Variants in SMOC2 observed in about 807,000 individuals in gnomAD.
The protein encoded by SMOC2 is SPARC related modular calcium binding 2.
In SMOC2, 39 loss-of-function variants were observed where a neutral mutation model predicts 61.4. The observed-to-expected ratio is 0.64, with a 90% confidence interval of 0.49 to 0.83. The LOEUF is 0.83. SMOC2 is among the 40% of genes least tolerant of loss of function. The probability of loss-of-function intolerance (pLI) is 0.00; values close to 1 mark genes in which losing one functional copy is unlikely to be tolerated. For missense variants in SMOC2, 556 were observed against 592.9 expected, an observed-to-expected ratio of 0.94 and a Z score of 0.65; for synonymous variants, 247 against 239.9, an observed-to-expected ratio of 1.03 and a Z score of -0.27.
chr6:168,458,387 T>A (rs924763631), intron 1 of SMOC2, among the ~76,000 whole-genome samples: 1 of 152,130 alleles, frequency 6.6e-6, no homozygotes, highest in East Asian at 1.9e-4. Flanking sequence ...GGGGGCATCA[T>A]GCTGCCTGCC....
At chr6:168,567,532 A>G (rs1336680219) in intron 7 of SMOC2, among the ~76,000 whole-genome samples, 3 of 152,124 alleles carry the variant, frequency 2.0e-5, no homozygotes, top group African/African-American at 7.2e-5. Flanking sequence ...TATAATTTGT[A>G]AAGCCACGTT....
At chr6:168,659,411 T>C (rs1441482385) in intron 11 of SMOC2, among the ~76,000 whole-genome samples, 2 of 126,484 alleles carry the variant, frequency 1.6e-5, no homozygotes, top group Non-Finnish European at 1.7e-5. Context: ...ATAAATGAGG[T>C]GGCCAGGTTA....
At chr6:168,664,325 T>G in intron 12 of SMOC2, 1 of 593,776 alleles carries the variant, frequency 1.7e-6, no homozygotes, top group Non-Finnish European at 3.0e-6. Context: ...TTGAAAAAAG[T>G]TTATTATTTG....
At chr6:168,468,314 G>A (rs775443771) in intron 1 of SMOC2, among the ~76,000 whole-genome samples, 6 of 152,282 alleles carry the variant, frequency 3.9e-5, no homozygotes, top group Non-Finnish European at 7.3e-5. Flanking sequence ...CTGGAATTCC[G>A]GAAGCACATG....
intron 7 of SMOC2, among the ~76,000 whole-genome samples, chr6:168,576,359 A>C (rs999263155): frequency 2.0e-5 from 3 of 152,142 alleles, no homozygotes; most frequent in Non-Finnish European, 4.4e-5. Flanking sequence ...GACATCAGTG[A>C]ACATGTTTGC....
At chr6:168,649,224 T>G (rs1787129407) in intron 9 of SMOC2, among the ~76,000 whole-genome samples, 1 of 152,340 alleles carries the variant, frequency 6.6e-6, no homozygotes, top group Admixed American at 6.5e-5. Context: ...CTCCTGAGAT[T>G]CCCTTTGGCG....
chr6:168,463,117 G>C (rs933377818), intron 1 of SMOC2, among the ~76,000 whole-genome samples: 6 of 152,236 alleles, frequency 3.9e-5, no homozygotes, highest in Non-Finnish European at 7.3e-5. Context: ...TGGTGTGACA[G>C]GGGCTCTGCT....
intron 7 of SMOC2, among the ~76,000 whole-genome samples, chr6:168,550,431 C>A (rs2115108310): frequency 6.6e-6 from 1 of 152,278 alleles, no homozygotes; most frequent in Admixed American, 6.5e-5. Context: ...TGAAAAGGAC[C>A]CTTGAGGGAA....
rs373090830 is a variant in SMOC2 at position 168,506,771 on chromosome 6, TGTCCA to T, written c.85-3141_85-3137del. On this transcript the variant is annotated intron_variant, in intron 1 of 12. Transcript: ENST00000356284. The stretch of plus-strand genomic sequence containing the variant: ...GGGGTTTTTTAATAAAGTCACTCGA[TGTCCA>T]GTTCATTGCATTCTACATTTAGCAA... Among the ~76,000 whole-genome samples, 74 of 152,360 alleles carry T rather than the reference TGTCCA, an allele frequency of 4.9e-4. 1 individual carries two copies. The East Asian group carries it at 0.013, about 27-fold the overall frequency.
intron 12 of SMOC2, among the ~76,000 whole-genome samples, chr6:168,665,483 A>G (rs757962991): frequency 1.3e-5 from 2 of 152,268 alleles, no homozygotes; most frequent in African/African-American, 4.8e-5. Context: ...CACCATATGC[A>G]TGACCCAGAC....
chr6:168,509,804 C>A, intron 1 of SMOC2, 111 bp from the exon 2 acceptor site: 1 of 1,048,832 alleles, frequency 9.5e-7, no homozygotes, highest in African/African-American at 1.6e-5. Flanking sequence ...TGGTGTTATC[C>A]CTCAAGCTTT....
At chr6:168,514,039 G>A (rs1458989458) in intron 2 of SMOC2, among the ~76,000 whole-genome samples, 3 of 152,200 alleles carry the variant, frequency 2.0e-5, no homozygotes, top group African/African-American at 7.2e-5. Flanking sequence ...GGGGTGCACA[G>A]GGGGCCCTCA....
In SMOC2 at chr6:168,615,059, G is replaced by T. The variant is rs564318328; in HGVS notation, c.907+6820G>T. On this transcript the variant is annotated intron_variant, in intron 9 of 12. Coordinates refer to ENST00000356284, the MANE Select transcript of SMOC2 (RefSeq NM_001166412.2). ...TCTTCACATCTACAGCCAGCACAGGGCCTCTTCATACTTACAGCCGGCACA... is the reference window on the plus strand; with the variant it reads ...TCTTCACATCTACAGCCAGCACAGGTCCTCTTCATACTTACAGCCGGCACA... Among the ~76,000 whole-genome samples, 55 of 102,322 alleles carry T rather than the reference G, an allele frequency of 5.4e-4. 2 individuals carry two copies. Among genetic ancestry groups the T allele is most frequent in the Middle Eastern group, 5.4e-3 (1 of 184 alleles). The allele number at this position is 102,322 out of a possible 152,430, so 67.1% of individuals were successfully genotyped here. A position where few individuals can be genotyped will look rare whatever the true frequency, so the allele number is the denominator to read the frequency against.
intron 11 of SMOC2, among the ~76,000 whole-genome samples, chr6:168,658,796 C>T (rs1481237814): frequency 1.3e-5 from 2 of 152,048 alleles, no homozygotes; most frequent in Non-Finnish European, 2.9e-5. Flanking sequence ...TCCTGGAGGC[C>T]CTGCTCCTAA....
chr6:168,585,513 G>T (rs1785026991), intron 7 of SMOC2, among the ~76,000 whole-genome samples: 1 of 152,200 alleles, frequency 6.6e-6, no homozygotes, highest in Non-Finnish European at 1.5e-5. Flanking sequence ...AAAGATACCA[G>T]GTACTAGTCA....
chr6:168,588,433 T>A (rs1339750134), intron 7 of SMOC2, among the ~76,000 whole-genome samples: 1 of 151,766 alleles, frequency 6.6e-6, no homozygotes, highest in African/African-American at 2.4e-5. Context: ...TGGAGCCCCT[T>A]TTCTAAAGGC....
chr6:168,592,720 C>G (rs879226635), intron 7 of SMOC2, among the ~76,000 whole-genome samples: 1 of 48,502 alleles, frequency 2.1e-5, no homozygotes, highest in Non-Finnish European at 4.4e-5. Context: ...CTCCTCCTTC[C>G]TGAGGCCTCA....
At chr6:168,552,141 G>A (rs189873387) in intron 7 of SMOC2, among the ~76,000 whole-genome samples, 275 of 152,258 alleles carry the variant, frequency 1.8e-3, no homozygotes, top group African/African-American at 6.5e-3. Context: ...TTTCTGAGGG[G>A]CTGAAGAAAC....
At chr6:168,650,895 T>C in intron 10 of SMOC2, 112 bp downstream of exon 10, 1 of 957,640 alleles carries the variant, frequency 1.0e-6, no homozygotes, top group Non-Finnish European at 1.5e-6. Flanking sequence ...TTGGACACAG[T>C]AGGGCCTTAA....
Sources: gnomAD v4.1 joint callset for allele counts (sites outside exome capture counted in the v4.1 genomes callset) on GRCh38, gnomAD v4.1.1 for gene constraint, MANE v1.5 for transcripts, NCBI Gene and HGNC (gene_info 2026-07-23, HGNC 2026-07-21) for gene names.